SLC12A7: variants seen among roughly 807,000 people sequenced by gnomAD.
The protein encoded by SLC12A7 is solute carrier family 12 member 7, also known as K-Cl cotransporter 4.
SLC12A7 carries 100 observed loss-of-function variants against 120.6 expected under a neutral mutation model. The ratio of observed to expected loss-of-function variants is 0.83; its 90% CI spans 0.71 to 0.98. The LOEUF (loss-of-function observed/expected upper bound fraction) is 0.98, where lower values mean the gene tolerates loss of function less well. SLC12A7 is among the 50% of genes least tolerant of loss of function. The probability of loss-of-function intolerance (pLI) is 0.00; values close to 1 mark genes in which losing one functional copy is unlikely to be tolerated. For synonymous variants in SLC12A7, 760 were observed against 678.0 expected, an observed-to-expected ratio of 1.12 and a Z score of -1.88; for missense variants, 1,373 against 1,548.1, an observed-to-expected ratio of 0.89 and a Z score of 1.90.
At chr5:1,084,916 C>A (rs1739646841) in intron 7 of SLC12A7, among the ~76,000 whole-genome samples, 1 of 152,068 alleles carries the variant, frequency 6.6e-6, no homozygotes, top group Non-Finnish European at 1.5e-5. Context: ...AGGGCCACAC[C>A]CATGACGCTC....
In SLC12A7 at chr5:1,077,752, G is replaced by T. The variant is rs908867911; in HGVS notation, c.1629+81C>A. On this transcript the variant is annotated intron_variant, in intron 12 of 23. Coordinates refer to ENST00000264930, the MANE Select transcript of SLC12A7 (RefSeq NM_006598.3). ...AGCCGCGGGCATGCGTCCCACACAC[G>T]GCACTGTGAGGATCCCGCAGGGGAG... is the stretch of plus-strand genomic sequence containing the variant. 4 of 1,370,410 alleles carry T rather than the reference G, an allele frequency of 2.9e-6. No homozygotes were observed. In the African/African-American group the frequency reaches 4.4e-5, roughly 15 times the overall value. 84.9% of individuals were successfully genotyped at this position (1,370,410 alleles called of 1,614,324 possible). A position where few individuals can be genotyped will look rare whatever the true frequency, so the allele number is the denominator to read the frequency against.
At chr5:1,148,241 C>G in the SLC12A7 span, among the ~76,000 whole-genome samples, 1 of 125,388 alleles carries the variant, frequency 8.0e-6, no homozygotes, top group East Asian at 2.4e-4. Flanking sequence ...GCGTCTCGCT[C>G]TGTCACCCAG....
At chr5:1,143,510 C>A in the SLC12A7 span, among the ~76,000 whole-genome samples, 2 of 152,222 alleles carry the variant, frequency 1.3e-5, no homozygotes, top group Admixed American at 6.5e-5. Context: ...CAGGGCCTTC[C>A]TCACAACCTC....
chr5:1,139,265 C>T, the SLC12A7 span, among the ~76,000 whole-genome samples: 923 of 152,352 alleles, frequency 6.1e-3, 8 homozygotes, highest in African/African-American at 0.021. Flanking sequence ...GGGGGACCCT[C>T]GCTGGTAACA....
intron 3 of SLC12A7, among the ~76,000 whole-genome samples, chr5:1,092,168 A>G (rs1740598898): frequency 6.6e-6 from 1 of 152,274 alleles, no homozygotes; most frequent in African/African-American, 2.4e-5. Context: ...GTATTTTGGA[A>G]ATGCAGTATT....
Position 1,112,050 on chromosome 5 carries a change from G to T in SLC12A7, c.-59C>A. 8.3e-7 allele frequency: 1 copy of T among 1,208,570 alleles called. No homozygotes were observed. Among genetic ancestry groups the T allele is most frequent in the Non-Finnish European group, 1.0e-6 (1 of 972,188 alleles). 74.9% of individuals were successfully genotyped at this position (1,208,570 alleles called of 1,614,324 possible). On this transcript the variant is annotated 5_prime_UTR_variant, in exon 1 of 24. Transcript: ENST00000264930. ...CGGCCCGCGCTGCGCCGCTCCCGCC[G>T]ACGCCACGGGACTTGGAGGCAGGGG...
At chr5:1,104,711 A>T (rs1477540495) in intron 1 of SLC12A7, among the ~76,000 whole-genome samples, 1 of 151,662 alleles carries the variant, frequency 6.6e-6, no homozygotes, top group Admixed American at 6.5e-5. Flanking sequence ...GGTGCTGCCC[A>T]AGAAAACCCC....
chr5:1,057,468 C>CA lies in SLC12A7; in HGVS notation c.3026+2dup. On this transcript the variant is annotated splice_region_variant and intron_variant, in intron 22 of 23. Coordinates refer to ENST00000264930, the MANE Select transcript of SLC12A7 (RefSeq NM_006598.3). ...CCCCCAGGCCACACGCACGGACACT[C>CA]ACGGCTTCATGCTGAAGAGGTCTTT... 6.2e-7 allele frequency: 1 copy of CA among 1,608,318 alleles called. No homozygotes were observed. The highest frequency in any genetic ancestry group is 8.5e-7 in the Non-Finnish European group (1 of 1,178,476).
At chr5:1,135,516 A>G in the SLC12A7 span, among the ~76,000 whole-genome samples, 2 of 152,192 alleles carry the variant, frequency 1.3e-5, no homozygotes, top group African/African-American at 4.8e-5. Context: ...CCCGGGATCC[A>G]GGGTGGCCAT....
the SLC12A7 span, among the ~76,000 whole-genome samples, chr5:1,138,479 T>C: frequency 6.6e-6 from 1 of 152,100 alleles, no homozygotes; most frequent in African/African-American, 2.4e-5. Flanking sequence ...GTTCTACAAG[T>C]CCCCACCCTA....
intron 21 of SLC12A7, among the ~76,000 whole-genome samples, chr5:1,059,925 T>A (rs894509193): frequency 1.4e-4 from 22 of 152,108 alleles, no homozygotes; most frequent in Non-Finnish European, 5.9e-5. Context: ...AAAGCAGCCA[T>A]CGTAAGCAGC....
chr5:1,098,314 GCT>G (rs1741563969), intron 1 of SLC12A7, among the ~76,000 whole-genome samples: 2 of 17,422 alleles, frequency 1.1e-4, no homozygotes, highest in Non-Finnish European at 2.1e-4. Context: ...CTAACCCTCT[GCT>G]CACCCAGCCC....
At chr5:1,100,047 T>C (rs74940086) in intron 1 of SLC12A7, among the ~76,000 whole-genome samples, 20,967 of 152,214 alleles carry the variant, frequency 0.14, 1,586 homozygotes, top group Non-Finnish European at 0.17. Flanking sequence ...GAAGAAGGCA[T>C]GGCATTTCAA....
the SLC12A7 span, among the ~76,000 whole-genome samples, chr5:1,134,950 A>C: frequency 2.0e-5 from 3 of 152,170 alleles, no homozygotes; most frequent in Non-Finnish European, 2.9e-5. Context: ...AACATGGTGA[A>C]ACCCCGTCTC....
At chr5:1,124,227 C>T in the SLC12A7 span, among the ~76,000 whole-genome samples, 38 of 152,330 alleles carry the variant, frequency 2.5e-4, no homozygotes, top group African/African-American at 8.4e-4. Flanking sequence ...TAGAGATCAG[C>T]GCCCACAAGC....
At chr5:1,153,443 T>TG in the SLC12A7 span, among the ~76,000 whole-genome samples, 32 of 152,230 alleles carry the variant, frequency 2.1e-4, no homozygotes, top group South Asian at 4.1e-4. Context: ...CAGGGGCCTC[T>TG]GGGGGGGTCC....
rs1561044265 is a variant in SLC12A7, at chr5:1,065,194, GAGGAGA to G, written c.2437+83_2437+88del. The G allele has an allele frequency of 1.1e-4, 28 of 259,376 alleles. 2 individuals carry two copies. The highest frequency in any genetic ancestry group is 1.6e-4 in the African/African-American group (1 of 6,220). 16.1% of individuals were successfully genotyped at this position (259,376 alleles called of 1,614,324 possible). ...AGTGAGAGGACAGCGAGGGGACACTGAGGAGACACACAGGGGACAGCGAGGGGACAC... is the reference window on the plus strand; with the variant it reads ...AGTGAGAGGACAGCGAGGGGACACTGCACACAGGGGACAGCGAGGGGACAC... On this transcript the variant is annotated intron_variant, in intron 18 of 23. Transcript: ENST00000264930.
At chr5:1,080,503 C>T (rs1462597473) in intron 9 of SLC12A7, among the ~76,000 whole-genome samples, 2 of 152,200 alleles carry the variant, frequency 1.3e-5, no homozygotes, top group East Asian at 1.9e-4. Flanking sequence ...CCCTGGGCTC[C>T]AGGGCTTTCG....
upstream of SLC12A7, among the ~76,000 whole-genome samples, chr5:1,114,401 C>G (rs925381494): frequency 6.6e-6 from 1 of 152,200 alleles, no homozygotes; most frequent in African/African-American, 2.4e-5. Flanking sequence ...GACAGAGACC[C>G]TTGCCGGAGC....
Sources: allele counts gnomAD v4.1 joint callset (sites outside exome capture counted in the v4.1 genomes callset), GRCh38; gene constraint gnomAD v4.1.1; transcripts MANE v1.5; gene names NCBI Gene and HGNC (gene_info 2026-07-23, HGNC 2026-07-21).